The following CPNE5 variants were observed in gnomAD, a reference collection of about 807,000 sequenced individuals.
The protein encoded by CPNE5 is copine 5, also known as copine-5.
In CPNE5, 42 loss-of-function variants were observed where a neutral mutation model predicts 81.1. The observed-to-expected ratio is 0.52, with a 90% confidence interval of 0.40 to 0.67. CPNE5 has a LOEUF of 0.67. Ranked by LOEUF, CPNE5 falls within the 30% of genes least tolerant of loss-of-function variation. The probability of loss-of-function intolerance (pLI) is 0.00; values close to 1 mark genes in which losing one functional copy is unlikely to be tolerated. For missense variants in CPNE5, 612 were observed against 815.5 expected (o/e 0.75, Z 3.04); for synonymous variants, 313 against 321.5 (o/e 0.97, Z 0.28).
intron 13 of CPNE5, chr6:36,754,479 A>G (rs978257296): frequency 6.6e-6 from 1 of 152,248 alleles, no homozygotes; most frequent in Non-Finnish European, 1.5e-5. Context: ...GGGATTCTGC[A>G]CACCATAAGT....
intron 6 of CPNE5, among the ~76,000 whole-genome samples, chr6:36,796,804 T>C (rs908284148): frequency 5.9e-5 from 9 of 152,130 alleles, no homozygotes; most frequent in African/African-American, 2.2e-4. Flanking sequence ...ATGAGACCTT[T>C]TGGGGGCCAA....
chr6:36,798,693 A>C (rs543745032), intron 4 of CPNE5, among the ~76,000 whole-genome samples, 199 bp from the exon 5 acceptor site: 1 of 152,180 alleles, frequency 6.6e-6, no homozygotes, highest in East Asian at 1.9e-4. Context: ...GCTGGGTGAC[A>C]TCAGAGGGGT....
chr6:36,817,048 G>A (rs552550278), intron 3 of CPNE5, among the ~76,000 whole-genome samples: 232 of 152,322 alleles, frequency 1.5e-3, no homozygotes, highest in African/African-American at 5.2e-3. Context: ...TGTGAAGGCC[G>A]GGTGCAGTGG....
chr6:36,834,154 G>A (rs1773208094), intron 1 of CPNE5, among the ~76,000 whole-genome samples: 1 of 150,506 alleles, frequency 6.6e-6, no homozygotes, highest in Non-Finnish European at 1.5e-5. Context: ...GGCAACTCAG[G>A]AGGCTAAGGC....
At chr6:36,791,001 A>T (rs1034930029) in intron 8 of CPNE5, among the ~76,000 whole-genome samples, 2 of 152,062 alleles carry the variant, frequency 1.3e-5, no homozygotes, top group Non-Finnish European at 2.9e-5. Flanking sequence ...CGTAGCACTG[A>T]CCTCCCAGGA....
chr6:36,773,169 G>T (rs911717489), intron 10 of CPNE5, among the ~76,000 whole-genome samples: 1 of 152,042 alleles, frequency 6.6e-6, no homozygotes, highest in South Asian at 2.1e-4. Flanking sequence ...GAGCCACCAC[G>T]CCTGACCCCA....
At chr6:36,806,099 G>A (rs552344076) in intron 3 of CPNE5, among the ~76,000 whole-genome samples, 101 of 152,276 alleles carry the variant, frequency 6.6e-4, no homozygotes, top group African/African-American at 1.6e-3. Context: ...ATTGGGCCAG[G>A]AGGGGACAGC....
At chr6:36,793,171 C>T (rs1055899028) in intron 7 of CPNE5, among the ~76,000 whole-genome samples, 4 of 152,122 alleles carry the variant, frequency 2.6e-5, no homozygotes, top group Admixed American at 6.5e-5. Flanking sequence ...ACTTTGAGAA[C>T]CACTGATGGA....
chr6:36,785,474 G>C (rs1262958242), intron 8 of CPNE5, among the ~76,000 whole-genome samples: 1 of 152,182 alleles, frequency 6.6e-6, no homozygotes, highest in Non-Finnish European at 1.5e-5. Context: ...GCACAGAAAA[G>C]TAACTTGCCC....
At chr6:36,802,806 T>C (rs1272368488) in intron 3 of CPNE5, among the ~76,000 whole-genome samples, 3 of 152,068 alleles carry the variant, frequency 2.0e-5, no homozygotes, top group Non-Finnish European at 2.9e-5. Context: ...TCCCAGCACT[T>C]TGGGAGGCTG....
At chr6:36,777,797 C>T (rs1767681154) in intron 9 of CPNE5, among the ~76,000 whole-genome samples, 1 of 108,482 alleles carries the variant, frequency 9.2e-6, no homozygotes. Context: ...CACACACACA[C>T]ACACAATTTC....
At chr6:36,781,048 G>T (rs376503369) in intron 8 of CPNE5, among the ~76,000 whole-genome samples, 1 of 152,160 alleles carries the variant, frequency 6.6e-6, no homozygotes, top group South Asian at 2.1e-4. Flanking sequence ...CTTTAGAATC[G>T]GCTGATTTCT....
Position 36,746,041 on chromosome 6 carries a change from A to G in CPNE5, c.1200+355T>C. ...CCACATCACCCTGGAGATCCACGTC[A>G]TCCCATCTCAGCACTGACTCAGGGA... On this transcript the variant is annotated intron_variant, in intron 16 of 20. Coordinates refer to ENST00000244751, the MANE Select transcript of CPNE5 (RefSeq NM_020939.2). This position sits in a 1 kb window ranked among gnomAD's most constrained non-coding sequence, Gnocchi z 4.5. 2.7e-6 allele frequency: 1 copy of G among 364,270 alleles called. No homozygotes were observed. Among genetic ancestry groups the G allele is most frequent in the Non-Finnish European group, 3.8e-6 (1 of 262,588 alleles). The allele number at this position is 364,270 out of a possible 1,614,324, so 22.6% of individuals were successfully genotyped here. A position where few individuals can be genotyped will look rare whatever the true frequency, so the allele number is the denominator to read the frequency against.
At chr6:36,745,308 C>T in intron 17 of CPNE5, 80 bp downstream of exon 17, 1 of 1,515,922 alleles carries the variant, frequency 6.6e-7, no homozygotes, top group Non-Finnish European at 8.9e-7. Context: ...AAGAGAAACC[C>T]CCTCCCACCA....
At chr6:36,836,358 C>T (rs564241929) in intron 1 of CPNE5, among the ~76,000 whole-genome samples, 9 of 152,238 alleles carry the variant, frequency 5.9e-5, no homozygotes, top group Non-Finnish European at 1.0e-4. Context: ...CTCCCCTAGG[C>T]ACAGAGCAGA....
intron 11 of CPNE5, among the ~76,000 whole-genome samples, chr6:36,763,602 C>CA (rs55880019): frequency 0.12 from 14,612 of 122,926 alleles, 832 homozygotes; most frequent in East Asian, 0.18. Context: ...GACTCTATCT[C>CA]AAAAAAAAAA....
At chr6:36,779,879 G>A (rs914463018) in intron 8 of CPNE5, among the ~76,000 whole-genome samples, 4 of 152,096 alleles carry the variant, frequency 2.6e-5, no homozygotes, top group African/African-American at 7.2e-5. Flanking sequence ...TCACCTTCGA[G>A]CCAGCTGAGC....
At chr6:36,745,366 A>G in intron 17 of CPNE5, 22 bp downstream of exon 17, 1 of 1,597,824 alleles carries the variant, frequency 6.3e-7, no homozygotes, top group East Asian at 2.3e-5. Flanking sequence ...GAGTGCCTGG[A>G]GGCGGTGGCA....
chr6:36,829,347 A>T (rs1335978754), intron 1 of CPNE5, among the ~76,000 whole-genome samples: 2 of 151,710 alleles, frequency 1.3e-5, no homozygotes, highest in East Asian at 3.9e-4. Context: ...AATAAACAAA[A>T]TTAGCCGGGT....
Sources: allele counts gnomAD v4.1 joint callset (sites outside exome capture counted in the v4.1 genomes callset), GRCh38; gene constraint gnomAD v4.1.1; non-coding constraint Gnocchi (gnomAD v3.1); transcripts MANE v1.5; gene names NCBI Gene and HGNC (gene_info 2026-07-23, HGNC 2026-07-21).